The following TRAF5 variants were observed in gnomAD, a reference collection of about 807,000 sequenced individuals.
TRAF5 encodes TNF receptor-associated factor 5.
Under a neutral mutation model 64.5 loss-of-function variants are expected in TRAF5, and 48 were observed. The ratio of observed to expected loss-of-function variants is 0.74; its 90% CI spans 0.59 to 0.95. The LOEUF is 0.95. Ranked by LOEUF, TRAF5 falls within the 40% of genes least tolerant of loss-of-function variation. The probability of loss-of-function intolerance (pLI) is 0.00; values close to 1 mark genes in which losing one functional copy is unlikely to be tolerated. For synonymous variants in TRAF5, 206 were observed against 240.5 expected, an observed-to-expected ratio of 0.86 and a Z score of 1.33; for missense variants, 545 against 662.8, an observed-to-expected ratio of 0.82 and a Z score of 1.95.
rs1033962007 is a variant in TRAF5 at position 211,360,508 on chromosome 1, T to C, written c.544-194T>C. On this transcript the variant is annotated intron_variant, in intron 5 of 10. Coordinates refer to ENST00000261464, the MANE Select transcript of TRAF5 (RefSeq NM_001033910.3). ...GTTCTATGACTTTCTTTTGGAATAA[T>C]TGGAAAATTTAATATTTTAATTAAG... 1.1e-5 allele frequency: 6 copies of C among 540,450 alleles called. No homozygotes were observed. In the African/African-American group the frequency reaches 1.1e-4, roughly 10 times the overall value. 33.5% of individuals were successfully genotyped at this position (540,450 alleles called of 1,614,324 possible).
intron 1 of TRAF5, among the ~76,000 whole-genome samples, chr1:211,348,291 A>C (rs1019980430): frequency 6.6e-6 from 1 of 152,220 alleles, no homozygotes; most frequent in Admixed American, 6.5e-5. Context: ...ATTTTTCATA[A>C]AAATATTTGT....
chr1:211,327,250 G>T (rs1193442865), intron 1 of TRAF5, among the ~76,000 whole-genome samples: 1 of 152,166 alleles, frequency 6.6e-6, no homozygotes, highest in Non-Finnish European at 1.5e-5. Flanking sequence ...GGTTCCGTCG[G>T]GGTGCACTGG....
At chr1:211,343,740 C>T (rs928733256) in intron 1 of TRAF5, among the ~76,000 whole-genome samples, 1 of 152,204 alleles carries the variant, frequency 6.6e-6, no homozygotes, top group Non-Finnish European at 1.5e-5. Context: ...AATCGGAACT[C>T]TCCTAGATTG....
intron 3 of TRAF5, among the ~76,000 whole-genome samples, chr1:211,355,044 A>G (rs1479957132): frequency 6.6e-6 from 1 of 151,926 alleles, no homozygotes; most frequent in Non-Finnish European, 1.5e-5. Flanking sequence ...GTGGTGGTGC[A>G]TGTCTGTAAT....
chr1:211,345,373 CT>C lies in TRAF5; in HGVS notation c.-1-7857del, dbSNP rs530851470. On this transcript the variant is annotated intron_variant, in intron 1 of 10. Coordinates refer to ENST00000261464, the MANE Select transcript of TRAF5 (RefSeq NM_001033910.3). ...GCCAGCCCTGCGCTCCCCCCCCCTC[CT>C]TTTTTTTTGCTTCCTGGTAGTAACT... is the stretch of plus-strand genomic sequence containing the variant. Among the ~76,000 whole-genome samples the C allele has an allele frequency of 1.3e-4, 19 of 150,866 alleles. No individual in the cohort carries two copies. The East Asian group carries it at 3.7e-3, about 29-fold the overall frequency.
At position 211,372,386 on chromosome 1, in the gene TRAF5, C is replaced by T; in HGVS notation, c.1358C>T (p.Ser453Leu). 3 of 1,614,052 alleles carry T rather than the reference C, an allele frequency of 1.9e-6. No homozygotes were observed. The highest frequency in any genetic ancestry group is 2.5e-6 in the Non-Finnish European group (3 of 1,180,020). The change falls in exon 11 of 11, where the codon TCA (serine) becomes TTA (leucine). Residue 453 changes from serine to leucine, a missense_variant. Physicochemically the swap from Ser to Leu is moderately radical, Grantham distance 145. Transcript: ENST00000261464. Reference protein sequence around the residue: ...CARAYLNGDGSGRGSHLSLYF... With the variant: ...CARAYLNGDGLGRGSHLSLYF... ...AGAGCATACCTGAATGGGGATGGGTCAGGGAGGGGGTCACACCTGTCCCTA... is the reference window on the plus strand; with the variant it reads ...AGAGCATACCTGAATGGGGATGGGTTAGGGAGGGGGTCACACCTGTCCCTA...
At chr1:211,347,402 A>T (rs1702645047) in intron 1 of TRAF5, among the ~76,000 whole-genome samples, 1 of 152,202 alleles carries the variant, frequency 6.6e-6, no homozygotes, top group African/African-American at 2.4e-5. Context: ...AGCTCTGTTT[A>T]TATACTAGAA....
intron 1 of TRAF5, among the ~76,000 whole-genome samples, chr1:211,329,224 A>G (rs1326327039): frequency 1.3e-5 from 2 of 152,246 alleles, no homozygotes; most frequent in Non-Finnish European, 2.9e-5. Context: ...GGAACCTGGC[A>G]TAGAGTAGGC....
At chr1:211,359,075 T>C (rs1307352026) in intron 4 of TRAF5, 1 of 151,918 alleles carries the variant, frequency 6.6e-6, no homozygotes, top group African/African-American at 2.4e-5. Context: ...GCCTCCTGTG[T>C]AGTTGGGACC....
chr1:211,328,656 G>A (rs1186111517), intron 1 of TRAF5, among the ~76,000 whole-genome samples: 3 of 152,232 alleles, frequency 2.0e-5, no homozygotes, highest in African/African-American at 7.2e-5. Flanking sequence ...AGATGCCTCA[G>A]AGTCAGTCTT....
At chr1:211,329,077 G>T (rs1702094678) in intron 1 of TRAF5, among the ~76,000 whole-genome samples, 1 of 152,122 alleles carries the variant, frequency 6.6e-6, no homozygotes, top group Non-Finnish European at 1.5e-5. Context: ...TGCCTCTGTG[G>T]TCTGTCCCCA....
intron 1 of TRAF5, among the ~76,000 whole-genome samples, chr1:211,328,689 C>T (rs1702082567): frequency 6.6e-6 from 1 of 152,190 alleles, no homozygotes; most frequent in South Asian, 2.1e-4. Flanking sequence ...GTGGGAAAGG[C>T]ACCTCAGTAC....
chr1:211,346,140 C>A (rs945648738), intron 1 of TRAF5, among the ~76,000 whole-genome samples: 2 of 152,320 alleles, frequency 1.3e-5, no homozygotes, highest in African/African-American at 4.8e-5. Context: ...TCAAGACCAG[C>A]TGAGATGATT....
intron 1 of TRAF5, among the ~76,000 whole-genome samples, chr1:211,341,414 T>A (rs1702444615): frequency 1.3e-5 from 2 of 152,220 alleles, no homozygotes; most frequent in Non-Finnish European, 2.9e-5. Flanking sequence ...GCAAATGTGA[T>A]GATGTGATTA....
chr1:211,371,150 A>T, intron 9 of TRAF5, 152 bp from the exon 10 acceptor site: 1 of 713,410 alleles, frequency 1.4e-6, no homozygotes, highest in East Asian at 3.0e-5. Context: ...TCTCTCTGTG[A>T]TCCTCATTGA....
At chr1:211,342,121 A>G (rs931134425) in intron 1 of TRAF5, among the ~76,000 whole-genome samples, 2 of 152,216 alleles carry the variant, frequency 1.3e-5, no homozygotes, top group African/African-American at 4.8e-5. Flanking sequence ...GCAACTGCTC[A>G]GCTCCTCTGT....
At chr1:211,369,822 ATGTG>A (rs139123011) in intron 9 of TRAF5, among the ~76,000 whole-genome samples, 1 of 151,002 alleles carries the variant, frequency 6.6e-6, no homozygotes, top group Non-Finnish European at 1.5e-5. Flanking sequence ...CCCGACGTGT[ATGTG>A]TGTGTGTGTG....
chr1:211,362,087 G>T (rs1260441567), intron 7 of TRAF5, among the ~76,000 whole-genome samples: 2 of 151,966 alleles, frequency 1.3e-5, no homozygotes, highest in Admixed American at 6.6e-5. Flanking sequence ...GTTTTATGGT[G>T]ATATACTCTT....
rs1207179417 is a variant in TRAF5, at chr1:211,356,426, T to C, written c.336T>C (p.Asn112=). 1 of 1,614,216 alleles carries C rather than the reference T, an allele frequency of 6.2e-7. No individual in the cohort carries two copies. The highest frequency in any genetic ancestry group is 8.5e-7 in the Non-Finnish European group (1 of 1,180,000). ...TCAACTTATATGTATATTGCAGCAA[T>C]GCTCCTGGATGTAATGCCAAGGTTA... ...EVLNLYVYCS[N]APGCNAKVIL... Residue 112 remains asparagine, a synonymous_variant, in exon 4 of 11, where the codon AAT becomes AAC. Transcript: ENST00000261464.
Sources: gnomAD v4.1 joint callset for allele counts (sites outside exome capture counted in the v4.1 genomes callset) on GRCh38, gnomAD v4.1.1 for gene constraint, MANE v1.5 for transcripts, NCBI Gene and HGNC (gene_info 2026-07-23, HGNC 2026-07-21) for gene names.